IL31RA: variants seen among roughly 807,000 people sequenced by gnomAD.
IL31RA encodes the protein interleukin-31 receptor subunit alpha.
A neutral mutation model predicts 83.7 loss-of-function variants in IL31RA; 66 were observed. The ratio of observed to expected loss-of-function variants is 0.79; its 90% CI spans 0.65 to 0.97. The LOEUF (loss-of-function observed/expected upper bound fraction) is 0.97, where lower values mean the gene tolerates loss of function less well. Ranked by LOEUF, IL31RA falls within the 50% of genes least tolerant of loss-of-function variation. IL31RA has a pLI of 0.00. For missense variants in IL31RA, 798 were observed against 919.4 expected (o/e 0.87, Z 1.71); for synonymous variants, 325 against 329.0 (o/e 0.99, Z 0.13).
intron 1 of IL31RA, 122 bp downstream of exon 1, chr5:55,851,755 G>A (rs1162604049): frequency 1.9e-6 from 3 of 1,595,280 alleles, no homozygotes; most frequent in Middle Eastern, 1.7e-4. Context: ...TGAGCCGTAT[G>A]AGATTCCGTG....
chr5:55,900,490 C>G (rs1748747043), intron 8 of IL31RA, among the ~76,000 whole-genome samples: 1 of 152,276 alleles, frequency 6.6e-6, no homozygotes, highest in South Asian at 2.1e-4. Context: ...GTGACCGAAG[C>G]TGCCCTTGAA....
chr5:55,913,698 C>T (rs555330664), intron 13 of IL31RA, 128 bp downstream of exon 13: 6 of 729,548 alleles, frequency 8.2e-6, no homozygotes, highest in Admixed American at 3.9e-5. Flanking sequence ...TAACTTGGTG[C>T]GTATTTATTG....
Position 55,917,385 on chromosome 5 carries a change from T to C in IL31RA, c.*265T>C. 6 of 1,253,182 alleles carry C rather than the reference T, an allele frequency of 4.8e-6. No homozygotes were observed. The highest frequency in any genetic ancestry group is 6.2e-6 in the Non-Finnish European group (6 of 971,862). 77.6% of individuals were successfully genotyped at this position (1,253,182 alleles called of 1,614,324 possible). On this transcript the variant is annotated 3_prime_UTR_variant, in exon 15 of 15. Transcript: ENST00000652347. The stretch of plus-strand genomic sequence containing the variant: ...CAGATACCAAGCTCTCACCGAGGCC[T>C]CCTGACAGATTGACTTTGAAGGAAG...
intron 4 of IL31RA, among the ~76,000 whole-genome samples, chr5:55,875,855 A>C (rs182472007): frequency 1.8e-3 from 278 of 152,302 alleles, no homozygotes; most frequent in African/African-American, 6.5e-3. Flanking sequence ...AAATTGATAC[A>C]ATACTGGAAT....
chr5:55,902,175 T>C (rs1230907856), intron 8 of IL31RA: 1 of 152,180 alleles, frequency 6.6e-6, no homozygotes, highest in East Asian at 1.9e-4. Context: ...CCACACATAT[T>C]TGCTCACATA....
rs565169851 is a variant in IL31RA at position 55,888,665 on chromosome 5, T to G, written c.607-1305T>G. Among the ~76,000 whole-genome samples, 3 of 152,348 alleles carry G rather than the reference T, an allele frequency of 2.0e-5. No homozygotes were observed. In the South Asian group the frequency reaches 6.2e-4, roughly 32 times the overall value. Reference sequence around the variant, plus strand: ...GTTGGGCCTTTCCTGGCAGTCTTAATCCTGTTCTAGTTGGATCCCTAACTA... The same window carrying G: ...GTTGGGCCTTTCCTGGCAGTCTTAAGCCTGTTCTAGTTGGATCCCTAACTA... On this transcript the variant is annotated intron_variant, in intron 5 of 14. Transcript: ENST00000652347.
At chr5:55,915,037 G>C (rs1368543734) in intron 14 of IL31RA, 109 bp downstream of exon 14, 2 of 834,182 alleles carry the variant, frequency 2.4e-6, no homozygotes, top group African/African-American at 1.7e-5. Context: ...TTCACATCAA[G>C]AGAACTGGAG....
rs1561543007 is a variant in IL31RA at position 55,867,155 on chromosome 5, G to GCA, written c.155-1636_155-1635insCA. 4.9e-4 allele frequency among the ~76,000 whole-genome samples: 65 copies of GCA among 133,402 alleles called. 1 individual carries two copies. Among genetic ancestry groups the GCA allele is most frequent in the Non-Finnish European group, 8.3e-4 (53 of 63,570 alleles). The allele number at this position is 133,402 out of a possible 152,430, so 87.5% of individuals were successfully genotyped here. On this transcript the variant is annotated intron_variant, in intron 2 of 14. Coordinates refer to ENST00000652347, the MANE Select transcript of IL31RA (RefSeq NM_139017.7). ...TGTGTGCATGTGTGTGTGCATGTGT[G>GCA]TTTGTGTGTGTGCATGTGTGTGTGC...
rs1027410466 is a variant in IL31RA, at chr5:55,900,000, A to G, written c.937A>G (p.Thr313Ala). The change falls in exon 8 of 15, where the codon ACA becomes GCA. Residue 313 changes from threonine (T) to alanine (A), a missense_variant. Transcript: ENST00000652347. ...YPESNTNLTE[T>A]MNTTNQQLEL... ...AGAAAGCAACACTAACCTCACAGAA[A>G]CAATGAACACTACTAACCAGCAGCT... 2 of 1,614,104 alleles carry G rather than the reference A, an allele frequency of 1.2e-6. No individual in the cohort carries two copies. Among genetic ancestry groups the G allele is most frequent in the Admixed American group, 3.3e-5 (2 of 60,020 alleles).
At position 55,890,108 on chromosome 5, in the gene IL31RA, G is replaced by GA. The variant is rs777899150; in HGVS notation, c.751dup (p.Met251AsnfsTer5). The GA allele has an allele frequency of 9.3e-6, 15 of 1,613,770 alleles. No homozygotes were observed. Among genetic ancestry groups the GA allele is most frequent in the African/African-American group, 2.7e-5 (2 of 74,886 alleles). Reference sequence around the variant, plus strand: ...AAAGTTCTGGAGTGACTGGAGCCAAGAAAAAATGGGAATGACTGAGGAAGA... The same window carrying GA: ...AAAGTTCTGGAGTGACTGGAGCCAAGAAAAAAATGGGAATGACTGAGGAAGA... On this transcript the variant is annotated frameshift_variant, in exon 6 of 15. Transcript: ENST00000652347. LOFTEE classifies it high-confidence loss of function.
chr5:55,877,750 T>A (rs1054321615), intron 4 of IL31RA, among the ~76,000 whole-genome samples: 1 of 152,234 alleles, frequency 6.6e-6, no homozygotes, highest in African/African-American at 2.4e-5. Context: ...TCTTGCTGCT[T>A]CCAAGATACT....
At chr5:55,859,641 T>C in intron 2 of IL31RA, 42 bp downstream of exon 2, 1 of 1,309,772 alleles carries the variant, frequency 7.6e-7, no homozygotes, top group Non-Finnish European at 1.1e-6. Context: ...GTGATTATTA[T>C]TGCCTTCTTT....
Position 55,922,363 on chromosome 5 carries a change from G to C in IL31RA, c.*5243G>C, listed in dbSNP as rs528670006. 6.5e-7 allele frequency: 1 copy of C among 1,543,612 alleles called. No homozygotes were observed. The highest frequency in any genetic ancestry group is 1.2e-5 in the South Asian group (1 of 83,916). The stretch of plus-strand genomic sequence containing the variant: ...ATGCTCTCGTGGCTGTTCAAGGGAA[G>C]TGAGATACTTGTACTATGCATTTCA... On this transcript the variant is annotated 3_prime_UTR_variant, in exon 15 of 15. Coordinates refer to ENST00000652347, the MANE Select transcript of IL31RA (RefSeq NM_139017.7).
chr5:55,846,839 T>C (rs1744939087), upstream of IL31RA, among the ~76,000 whole-genome samples: 1 of 152,070 alleles, frequency 6.6e-6, no homozygotes, highest in Non-Finnish European at 1.5e-5. Context: ...TTCTCTGATT[T>C]TGAACACTAA....
Position 55,918,868 on chromosome 5 carries a change from G to C in IL31RA, c.*1748G>C, listed in dbSNP as rs1254007976. Among the ~76,000 whole-genome samples, 1 of 152,122 alleles carries C rather than the reference G, an allele frequency of 6.6e-6. No individual in the cohort carries two copies. The highest frequency in any genetic ancestry group is 1.5e-5 in the Non-Finnish European group (1 of 68,032). ...AGTGACTTCTGGTACACCAAGGAATGAGGGAGGCCCGAGGCAGGGCACTGG... is the reference window on the plus strand; with the variant it reads ...AGTGACTTCTGGTACACCAAGGAATCAGGGAGGCCCGAGGCAGGGCACTGG... On this transcript the variant is annotated 3_prime_UTR_variant, in exon 15 of 15. Transcript: ENST00000652347.
Position 55,900,132 on chromosome 5 carries a change from T to G in IL31RA, c.1069T>G (p.Ser357Ala), listed in dbSNP as rs770849088. The G allele has an allele frequency of 6.2e-7, 1 of 1,604,990 alleles. No individual in the cohort carries two copies. Among genetic ancestry groups the G allele is most frequent in the Non-Finnish European group, 8.5e-7 (1 of 1,171,738 alleles). ...TLRIPAIQEK[S>A]FQCIEVMQAC... ...GAGGATTCCAGCTATTCAAGAAAAA[T>G]GTAAGTAGAGCATCAACTTCTTCCT... Residue 357 changes from serine (S) to alanine (A), a missense_variant and splice_region_variant, in exon 8 of 15, where the codon TCA becomes GCA. Transcript: ENST00000652347.
At chr5:55,892,070 C>T (rs764586451) in intron 6 of IL31RA, among the ~76,000 whole-genome samples, 3 of 152,034 alleles carry the variant, frequency 2.0e-5, no homozygotes, top group Non-Finnish European at 4.4e-5. Context: ...CCACTGTGCC[C>T]GGCCTGGACA....
At chr5:55,886,970 TAC>T (rs1400191847) in intron 5 of IL31RA, among the ~76,000 whole-genome samples, 1 of 152,240 alleles carries the variant, frequency 6.6e-6, no homozygotes, top group Non-Finnish European at 1.5e-5. Context: ...CTCTTCCAGT[TAC>T]ACTGTAAATT....
chr5:55,921,976 G>A lies in IL31RA; in HGVS notation c.*4856G>A, dbSNP rs556544123. 5.6e-5 allele frequency among the ~76,000 whole-genome samples: 8 copies of A among 141,984 alleles called. No homozygotes were observed. The South Asian group carries it at 1.6e-3, about 28-fold the overall frequency. The allele number at this position is 141,984 out of a possible 152,430, so 93.1% of individuals were successfully genotyped here. On this transcript the variant is annotated 3_prime_UTR_variant, in exon 15 of 15. Transcript: ENST00000652347. Reference sequence around the variant, plus strand: ...GGTGTATTTTGTTAATTGTTTCTACGTAAATGTTGATTATTGACAAGCCTA... The same window carrying A: ...GGTGTATTTTGTTAATTGTTTCTACATAAATGTTGATTATTGACAAGCCTA...
Sources: allele counts gnomAD v4.1 joint callset (sites outside exome capture counted in the v4.1 genomes callset), GRCh38; gene constraint gnomAD v4.1.1; transcripts MANE v1.5; gene names NCBI Gene and HGNC (gene_info 2026-07-23, HGNC 2026-07-21).